Variants in SUPT3H observed in about 807,000 individuals in gnomAD.
SUPT3H encodes the protein transcription initiation protein SPT3 homolog.
SUPT3H carries 44 observed loss-of-function variants against 44.3 expected under a neutral mutation model. The ratio of observed to expected loss-of-function variants is 0.99; its 90% CI spans 0.78 to 1.28. The LOEUF is 1.28. Among genes scored for constraint, SUPT3H ranks in the 50% most tolerant of loss-of-function variants. The pLI is 0.00. For synonymous variants in SUPT3H, 124 were observed against 125.6 expected (o/e 0.99, Z 0.09); for missense variants, 380 against 387.1 (o/e 0.98, Z 0.15).
Position 44,954,852 on chromosome 6 carries a change from C to T in SUPT3H, c.581-245G>A, listed in dbSNP as rs534857132. ...ACGTATTTGGGTCTTTTATTTTACACCTATGCTATATGACATAGTATATTA... is the reference window on the plus strand; with the variant it reads ...ACGTATTTGGGTCTTTTATTTTACATCTATGCTATATGACATAGTATATTA... On this transcript the variant is annotated intron_variant, in intron 7 of 10. Transcript: ENST00000371459. 2.5e-3 allele frequency among the ~76,000 whole-genome samples: 386 copies of T among 152,240 alleles called. 2 individuals are homozygous for T. Among genetic ancestry groups the T allele is most frequent in the African/African-American group, 8.5e-3 (352 of 41,542 alleles).
At chr6:45,281,772 GAACA>G (rs1413768331) in intron 2 of SUPT3H, among the ~76,000 whole-genome samples, 47 of 152,266 alleles carry the variant, frequency 3.1e-4, no homozygotes, top group Admixed American at 9.8e-4. Context: ...GGAGATCTGA[GAACA>G]GACAGACTGC....
chr6:45,000,251 T>G (rs1056665285), intron 6 of SUPT3H, among the ~76,000 whole-genome samples: 1 of 152,052 alleles, frequency 6.6e-6, no homozygotes, highest in Non-Finnish European at 1.5e-5. Context: ...TGAATGTTTA[T>G]CTTACTGGGA....
At chr6:44,882,272 C>T (rs904550933) in intron 10 of SUPT3H, among the ~76,000 whole-genome samples, 3 of 152,158 alleles carry the variant, frequency 2.0e-5, no homozygotes, top group Non-Finnish European at 4.4e-5. Flanking sequence ...CGCAAATAAA[C>T]TAGAAAATCC....
chr6:44,855,087 T>A (rs1773510612), intron 10 of SUPT3H, among the ~76,000 whole-genome samples: 1 of 152,222 alleles, frequency 6.6e-6, no homozygotes, highest in African/African-American at 2.4e-5. Context: ...TCAGATTATA[T>A]TAAGAAACTC....
intron 3 of SUPT3H, among the ~76,000 whole-genome samples, chr6:45,089,239 G>A (rs944055978): frequency 6.6e-6 from 1 of 151,914 alleles, no homozygotes; most frequent in Non-Finnish European, 1.5e-5. Context: ...TTATGAGTAA[G>A]AATTCCAAAA....
intron 10 of SUPT3H, among the ~76,000 whole-genome samples, chr6:44,894,789 T>G (rs1325675187): frequency 6.6e-6 from 1 of 151,712 alleles, no homozygotes; most frequent in Admixed American, 6.6e-5. Flanking sequence ...AACGCCCTTA[T>G]AGGCCAGGAA....
chr6:45,151,526 G>T (rs1806970091), intron 2 of SUPT3H, among the ~76,000 whole-genome samples: 2 of 152,082 alleles, frequency 1.3e-5, no homozygotes, highest in Admixed American at 6.6e-5. Flanking sequence ...GATTATAATG[G>T]AGTGAAGCTG....
At chr6:45,371,469 T>C (rs1796069164) in intron 1 of SUPT3H, among the ~76,000 whole-genome samples, 1 of 151,744 alleles carries the variant, frequency 6.6e-6, no homozygotes, top group African/African-American at 2.4e-5. Context: ...TAAGACTGGC[T>C]GAAGGTCACA....
Position 45,308,211 on chromosome 6 carries a change from A to C in SUPT3H, c.101+56990T>G, listed in dbSNP as rs533567554. 2.9e-4 allele frequency among the ~76,000 whole-genome samples: 44 copies of C among 152,002 alleles called. No individual in the cohort carries two copies. In the South Asian group the frequency reaches 9.1e-3, roughly 31 times the overall value. ...GCAGGAGAACTTCCCCAATCTAGCA[A>C]GGCAGGCCAACATGCAAAATCAGGA... On this transcript the variant is annotated intron_variant, in intron 2 of 10. Coordinates refer to ENST00000371459, the MANE Select transcript of SUPT3H (RefSeq NM_003599.4).
intron 10 of SUPT3H, among the ~76,000 whole-genome samples, chr6:44,855,171 C>A (rs1773525389): frequency 6.6e-6 from 1 of 152,194 alleles, no homozygotes; most frequent in East Asian, 1.9e-4. Context: ...TAGAGAGGGT[C>A]ATATAATACC....
chr6:44,851,753 A>G (rs541692745), intron 10 of SUPT3H, among the ~76,000 whole-genome samples: 1 of 152,312 alleles, frequency 6.6e-6, no homozygotes, highest in African/African-American at 2.4e-5. Context: ...GTTATGAAAT[A>G]CTAGAGTGCC....
intron 10 of SUPT3H, among the ~76,000 whole-genome samples, chr6:44,907,233 T>C (rs140942375): frequency 4.6e-5 from 7 of 152,354 alleles, no homozygotes; most frequent in African/African-American, 1.7e-4. Context: ...CTGAGTAATT[T>C]TTCACCTCCT....
chr6:44,904,503 C>G (rs1285982152), intron 10 of SUPT3H, among the ~76,000 whole-genome samples: 1 of 152,090 alleles, frequency 6.6e-6, no homozygotes, highest in East Asian at 1.9e-4. Flanking sequence ...CAAACCACTG[C>G]TCAAAGAAAT....
intron 2 of SUPT3H, among the ~76,000 whole-genome samples, chr6:45,310,588 C>T (rs546186410): frequency 1.3e-4 from 20 of 152,268 alleles, no homozygotes; most frequent in Non-Finnish European, 2.4e-4. Context: ...GACCCATAGA[C>T]GGTTCACATC....
intron 2 of SUPT3H, among the ~76,000 whole-genome samples, chr6:45,298,939 T>C (rs1781707936): frequency 6.6e-6 from 1 of 152,208 alleles, no homozygotes; most frequent in South Asian, 2.1e-4. Flanking sequence ...CTAATGCTTC[T>C]AAAACATGGA....
intron 10 of SUPT3H, among the ~76,000 whole-genome samples, chr6:44,890,976 G>C (rs1330052287): frequency 1.3e-5 from 2 of 150,962 alleles, no homozygotes; most frequent in Admixed American, 6.6e-5. Context: ...ACTGGGGCCT[G>C]TCGGGGTTGG....
At chr6:45,090,688 C>T (rs900529354) in intron 3 of SUPT3H, among the ~76,000 whole-genome samples, 8 of 151,694 alleles carry the variant, frequency 5.3e-5, no homozygotes, top group Non-Finnish European at 1.2e-4. Context: ...CAAATGCTTG[C>T]ATATTTAGAA....
At chr6:45,108,666 C>A (rs1482018771) in intron 2 of SUPT3H, among the ~76,000 whole-genome samples, 2 of 152,146 alleles carry the variant, frequency 1.3e-5, no homozygotes, top group Non-Finnish European at 2.9e-5. Context: ...CTTTAGTAAG[C>A]TAGCACCACA....
chr6:44,948,879 TC>T (rs1773798374), intron 9 of SUPT3H, among the ~76,000 whole-genome samples: 2 of 152,192 alleles, frequency 1.3e-5, no homozygotes, highest in African/African-American at 4.8e-5. Flanking sequence ...GACCCAGCCA[TC>T]CCATTACTGG....
Sources: gnomAD v4.1 joint callset for allele counts (sites outside exome capture counted in the v4.1 genomes callset) on GRCh38, gnomAD v4.1.1 for gene constraint, MANE v1.5 for transcripts, NCBI Gene and HGNC (gene_info 2026-07-23, HGNC 2026-07-21) for gene names.